SLC25A28: variants seen among roughly 807,000 people sequenced by gnomAD.
The protein encoded by SLC25A28 is solute carrier family 25 member 28, also known as mitoferrin-2.
In SLC25A28, 10 loss-of-function variants were observed where a neutral mutation model predicts 31.9. The ratio of observed to expected loss-of-function variants is 0.31; its 90% CI spans 0.19 to 0.53. SLC25A28 has a LOEUF of 0.53. SLC25A28 is among the 20% of genes least tolerant of loss of function. SLC25A28 has a pLI of 0.95. For missense variants in SLC25A28, 256 were observed against 490.3 expected, an observed-to-expected ratio of 0.52 and a Z score of 4.51; for synonymous variants, 208 against 203.6, an observed-to-expected ratio of 1.02 and a Z score of -0.19.
chr10:99,621,123 G>T, upstream of SLC25A28: 1 of 391,576 alleles, frequency 2.6e-6, no homozygotes, highest in Non-Finnish European at 3.5e-6. Context: ...TGCGACATGC[G>T]GGCTGGGAAC....
In SLC25A28 at chr10:99,610,693, G is replaced by T; in HGVS notation, c.*156C>A. 1 of 836,744 alleles carries T rather than the reference G, an allele frequency of 1.2e-6. No homozygotes were observed. Among genetic ancestry groups the T allele is most frequent in the Non-Finnish European group, 1.8e-6 (1 of 543,798 alleles). The allele number at this position is 836,744 out of a possible 1,614,324, so 51.8% of individuals were successfully genotyped here. A position where few individuals can be genotyped will look rare whatever the true frequency, so the allele number is the denominator to read the frequency against. ...AGGAAAGGTGGTGGCAACAGAGGTT[G>T]GCAGGAACTGGTGTTAGTCAAAACA... On this transcript the variant is annotated 3_prime_UTR_variant, in exon 4 of 4. Coordinates refer to ENST00000370495, the MANE Select transcript of SLC25A28 (RefSeq NM_031212.4).
the SLC25A28 span, among the ~76,000 whole-genome samples, chr10:99,645,907 G>T: frequency 2.6e-4 from 39 of 152,308 alleles, no homozygotes; most frequent in South Asian, 8.1e-3. Context: ...GTTGCTGCCT[G>T]ATCCTTCCTC....
At chr10:99,634,003 T>G in the SLC25A28 span, among the ~76,000 whole-genome samples, 5 of 152,152 alleles carry the variant, frequency 3.3e-5, no homozygotes, top group Non-Finnish European at 7.3e-5. Context: ...AGTACCAGCC[T>G]GGGGCTGGGT....
At position 99,617,373 on chromosome 10, in the gene SLC25A28, A is replaced by G. The variant is rs940985799; in HGVS notation, c.291+2672T>C. ...TATTTAAAGTCAACTTGACCCTGAT[A>G]AGTAGCTGAGGATGGACAGGCCTGC... On this transcript the variant is annotated intron_variant, in intron 1 of 3. Transcript: ENST00000370495. 17 of 985,326 alleles carry G rather than the reference A, an allele frequency of 1.7e-5. No individual in the cohort carries two copies. The South Asian group carries it at 7.5e-4, about 44-fold the overall frequency. The allele number at this position is 985,326 out of a possible 1,614,324, so 61.0% of individuals were successfully genotyped here. A position where few individuals can be genotyped will look rare whatever the true frequency, so the allele number is the denominator to read the frequency against.
At position 99,610,984 on chromosome 10, in the gene SLC25A28, C is replaced by T; in HGVS notation, c.960G>A (p.Gly320=). 2 of 1,614,176 alleles carry T rather than the reference C, an allele frequency of 1.2e-6. No individual in the cohort carries two copies. The highest frequency in any genetic ancestry group is 2.2e-5 in the South Asian group (2 of 91,088). The change falls in exon 4 of 4, where the codon GGG becomes GGA. Residue 320 remains glycine (G), a synonymous_variant. Transcript: ENST00000370495. ...SAFRTVYQVG[G]VTAYFRGVQA... is the part of the protein sequence containing the mutation. ...GCACCCCTCGGAAATAGGCGGTCACCCCACCTACTTGATATACCGTCCTGA... is the reference window on the plus strand; with the variant it reads ...GCACCCCTCGGAAATAGGCGGTCACTCCACCTACTTGATATACCGTCCTGA...
the SLC25A28 span, among the ~76,000 whole-genome samples, chr10:99,646,229 CTT>C: frequency 1.3e-5 from 2 of 152,216 alleles, no homozygotes; most frequent in African/African-American, 4.8e-5. Context: ...TTCCCAGCCA[CTT>C]TGTTTACCTA....
At chr10:99,659,123 C>T in the SLC25A28 span, among the ~76,000 whole-genome samples, 1 of 152,168 alleles carries the variant, frequency 6.6e-6, no homozygotes, top group Non-Finnish European at 1.5e-5. This position sits in a 1 kb window ranked among gnomAD's most constrained non-coding sequence, Gnocchi z 4.1. Context: ...GCTTCGGTCG[C>T]GAACACCCTG....
chr10:99,615,559 T>G (rs908365400), intron 1 of SLC25A28: 5 of 985,302 alleles, frequency 5.1e-6, no homozygotes, highest in Non-Finnish European at 6.0e-6. Flanking sequence ...AGTTACTGGA[T>G]GTTCAATCAG....
the SLC25A28 span, among the ~76,000 whole-genome samples, chr10:99,642,954 T>C: frequency 6.6e-6 from 1 of 152,232 alleles, no homozygotes; most frequent in African/African-American, 2.4e-5. Flanking sequence ...GATGTGTTGC[T>C]GGATTCGGTT....
chr10:99,620,396 C>A lies in SLC25A28; in HGVS notation c.-61G>T, dbSNP rs2034762602. The A allele has an allele frequency of 3.7e-6, 4 of 1,068,724 alleles. No individual in the cohort carries two copies. The highest frequency in any genetic ancestry group is 4.5e-6 in the Non-Finnish European group (4 of 884,472). The allele number at this position is 1,068,724 out of a possible 1,614,324, so 66.2% of individuals were successfully genotyped here. A position where few individuals can be genotyped will look rare whatever the true frequency, so the allele number is the denominator to read the frequency against. ...CGCTGCCACCACTGCCGCCGCCGCC[C>A]CCCGGCCCCGTAGTGTCCGCCTCAG... is the stretch of plus-strand genomic sequence containing the variant. On this transcript the variant is annotated 5_prime_UTR_variant, in exon 1 of 4. Coordinates refer to ENST00000370495, the MANE Select transcript of SLC25A28 (RefSeq NM_031212.4).
chr10:99,642,639 G>A, the SLC25A28 span, among the ~76,000 whole-genome samples: 218 of 152,218 alleles, frequency 1.4e-3, 2 homozygotes, highest in Non-Finnish European at 1.6e-3. Flanking sequence ...TCCCTGTCTC[G>A]TGCCAGTTTT....
At position 99,620,112 on chromosome 10, in the gene SLC25A28, TGCGTGGTG is replaced by T; in HGVS notation, c.216_223del (p.Thr73HisfsTer31). On this transcript the variant is annotated frameshift_variant, in exon 1 of 4. Transcript: ENST00000370495. LOFTEE classifies it high-confidence loss of function. ...CCCTGCCACGGCGCCTGCCACCATGTGCGTGGTGACAGTGGCTCCAGCCGGCAGCGCCT... is the reference window on the plus strand; with the variant it reads ...CCCTGCCACGGCGCCTGCCACCATGTACAGTGGCTCCAGCCGGCAGCGCCT... The T allele has an allele frequency of 6.3e-7, 1 of 1,585,452 alleles. No homozygotes were observed. Among genetic ancestry groups the T allele is most frequent in the Non-Finnish European group, 8.5e-7 (1 of 1,173,428 alleles).
the SLC25A28 span, among the ~76,000 whole-genome samples, chr10:99,628,491 G>T: frequency 6.6e-6 from 1 of 152,172 alleles, no homozygotes; most frequent in African/African-American, 2.4e-5. Context: ...AAGATTATTG[G>T]CTATGCCACT....
At chr10:99,616,030 C>T (rs2034644715) in intron 1 of SLC25A28, 2 of 985,288 alleles carry the variant, frequency 2.0e-6, no homozygotes, top group Non-Finnish European at 1.2e-6. Context: ...ATGGAGAGGA[C>T]CTGGGCATAA....
At chr10:99,615,536 A>C (rs2034630570) in intron 1 of SLC25A28, 1 of 985,262 alleles carries the variant, frequency 1.0e-6, no homozygotes, top group Admixed American at 6.1e-5. Context: ...AAAAACCGGA[A>C]GCTTAAAAGG....
the SLC25A28 span, among the ~76,000 whole-genome samples, chr10:99,642,298 G>A: frequency 1.3e-4 from 20 of 152,128 alleles, no homozygotes; most frequent in Non-Finnish European, 2.9e-4. Flanking sequence ...TTGTAAGTTG[G>A]ATTCCTAGGT....
chr10:99,654,256 TAAAAA>T, the SLC25A28 span, among the ~76,000 whole-genome samples: 1 of 152,110 alleles, frequency 6.6e-6, no homozygotes, highest in African/African-American at 2.4e-5. Flanking sequence ...TTCACTGACT[TAAAAA>T]TAAGAACAAT....
the SLC25A28 span, among the ~76,000 whole-genome samples, chr10:99,658,029 T>A: frequency 1.3e-5 from 2 of 151,946 alleles, no homozygotes; most frequent in South Asian, 4.2e-4. Context: ...CTACAAAGAA[T>A]TAAAAAAAAA....
At chr10:99,636,991 A>G in the SLC25A28 span, among the ~76,000 whole-genome samples, 1 of 152,248 alleles carries the variant, frequency 6.6e-6, no homozygotes, top group Non-Finnish European at 1.5e-5. Context: ...TAACCAAAAA[A>G]GAAAACAACA....
Sources: gnomAD v4.1 joint callset for allele counts (sites outside exome capture counted in the v4.1 genomes callset) on GRCh38, gnomAD v4.1.1 for gene constraint, Gnocchi (gnomAD v3.1) non-coding constraint, MANE v1.5 for transcripts, NCBI Gene and HGNC (gene_info 2026-07-23, HGNC 2026-07-21) for gene names.